Variants in CTNNA3 observed in about 807,000 individuals in gnomAD.
CTNNA3 encodes catenin alpha-3.
In CTNNA3, 76 loss-of-function variants were observed where a neutral mutation model predicts 95.7. The observed-to-expected ratio is 0.79, with a 90% CI of 0.66 to 0.96. The LOEUF (loss-of-function observed/expected upper bound fraction) is 0.96. Ranked by LOEUF, CTNNA3 falls within the 40% of genes least tolerant of loss-of-function variation. The probability of loss-of-function intolerance (pLI) is 0.00; values close to 1 mark genes in which losing one functional copy is unlikely to be tolerated. For synonymous variants in CTNNA3, 431 were observed against 374.4 expected (o/e 1.15, Z -1.74); for missense variants, 1,191 against 1,089.8 (o/e 1.09, Z -1.31).
chr10:66,189,600 T>TTTTATATATATATATATATATATA (rs1554883869), intron 13 of CTNNA3, among the ~76,000 whole-genome samples: 4 of 89,318 alleles, frequency 4.5e-5, no homozygotes, highest in African/African-American at 1.9e-4. Flanking sequence ...TACTATAGAT[T>TTTTATATATATATATATATATATA]TATATATATA....
chr10:66,875,659 T>A (rs1245694029), intron 7 of CTNNA3, among the ~76,000 whole-genome samples: 1 of 152,106 alleles, frequency 6.6e-6, no homozygotes, highest in African/African-American at 2.4e-5. Flanking sequence ...AAATAGTAAA[T>A]CTGCTAATCC....
chr10:67,036,528 G>C (rs915583341), intron 7 of CTNNA3, among the ~76,000 whole-genome samples: 2 of 152,044 alleles, frequency 1.3e-5, no homozygotes, highest in Non-Finnish European at 2.9e-5. Flanking sequence ...GCCGGGCGTG[G>C]TGGCAGCTTT....
chr10:66,655,896 C>T (rs573700365), intron 9 of CTNNA3, among the ~76,000 whole-genome samples: 1 of 152,080 alleles, frequency 6.6e-6, no homozygotes, highest in African/African-American at 2.4e-5. Flanking sequence ...GGCTCAATTC[C>T]ATCCACCGAA....
intron 9 of CTNNA3, among the ~76,000 whole-genome samples, chr10:66,656,843 T>C (rs989905831): frequency 3.3e-5 from 5 of 151,974 alleles, no homozygotes; most frequent in African/African-American, 1.2e-4. Flanking sequence ...TTTGTTTTTG[T>C]TTTTGTTTTT....
At chr10:67,160,847 T>C (rs1384444804) in intron 7 of CTNNA3, among the ~76,000 whole-genome samples, 1 of 152,176 alleles carries the variant, frequency 6.6e-6, no homozygotes, top group East Asian at 1.9e-4. Flanking sequence ...TATTATTCTG[T>C]ATTGAAAAAC....
At chr10:66,406,748 T>G (rs1042083915) in intron 11 of CTNNA3, among the ~76,000 whole-genome samples, 1 of 152,118 alleles carries the variant, frequency 6.6e-6, no homozygotes, top group Non-Finnish European at 1.5e-5. Flanking sequence ...ATCTGGACAA[T>G]TCAACTCAAG....
chr10:66,926,214 T>C, intron 7 of CTNNA3: 1 of 453,752 alleles, frequency 2.2e-6, no homozygotes, highest in Non-Finnish European at 4.3e-6. Context: ...CCAAATTGCC[T>C]GGAAGAATAC....
At chr10:66,281,508 A>G (rs956370721) in intron 12 of CTNNA3, among the ~76,000 whole-genome samples, 1 of 151,836 alleles carries the variant, frequency 6.6e-6, no homozygotes, top group Admixed American at 6.6e-5. Flanking sequence ...GTAATTAGAG[A>G]TGTGAACTCA....
chr10:67,433,080 A>G (rs1486066404), intron 5 of CTNNA3, among the ~76,000 whole-genome samples: 1 of 152,054 alleles, frequency 6.6e-6, no homozygotes, highest in Non-Finnish European at 1.5e-5. Flanking sequence ...AGATTTTGAC[A>G]TACCTTCCTC....
chr10:66,370,082 A>C (rs545695736), intron 12 of CTNNA3, among the ~76,000 whole-genome samples: 2 of 152,266 alleles, frequency 1.3e-5, no homozygotes, highest in South Asian at 4.1e-4. Context: ...TCGAATTCAC[A>C]TGGTTTATGT....
intron 7 of CTNNA3, among the ~76,000 whole-genome samples, chr10:66,951,486 T>C (rs1757993549): frequency 6.6e-6 from 1 of 152,214 alleles, no homozygotes; most frequent in Non-Finnish European, 1.5e-5. Flanking sequence ...ACGTATTTAA[T>C]TCTTACGACA....
At chr10:67,554,827 C>T (rs113754332) in intron 3 of CTNNA3, among the ~76,000 whole-genome samples, 30,124 of 152,084 alleles carry the variant, frequency 0.2, 4,962 homozygotes, top group African/African-American at 0.46. Context: ...GAAGTCCTTG[C>T]GCATGCCTAT....
chr10:67,129,886 T>TAAA (rs1318121023), intron 7 of CTNNA3, among the ~76,000 whole-genome samples: 5 of 152,130 alleles, frequency 3.3e-5, no homozygotes, highest in African/African-American at 1.2e-4. Flanking sequence ...GAACCATCTG[T>TAAA]AAAGAATGAT....
intron 13 of CTNNA3, among the ~76,000 whole-genome samples, chr10:66,140,204 C>T (rs2133875555): frequency 6.6e-6 from 1 of 152,266 alleles, no homozygotes; most frequent in Non-Finnish European, 1.5e-5. Flanking sequence ...CCTCATCCTT[C>T]AAATTTTTGC....
intron 1 of CTNNA3, among the ~76,000 whole-genome samples, chr10:67,763,060 A>T (rs1486799188): frequency 6.6e-6 from 1 of 152,156 alleles, no homozygotes; most frequent in East Asian, 1.9e-4. Context: ...GTGTCTAAGG[A>T]ATTTTGTCTG....
At chr10:66,502,376 T>C (rs1247099352) in intron 11 of CTNNA3, among the ~76,000 whole-genome samples, 1 of 152,158 alleles carries the variant, frequency 6.6e-6, no homozygotes, top group African/African-American at 2.4e-5. Context: ...TTTTTTATTA[T>C]AAATGTTTAA....
intron 2 of CTNNA3, among the ~76,000 whole-genome samples, chr10:67,612,359 T>C (rs1459998517): frequency 6.6e-6 from 1 of 152,096 alleles, no homozygotes; most frequent in Non-Finnish European, 1.5e-5. Flanking sequence ...GCTGCCAAAA[T>C]TGCAAACATT....
At position 67,353,410 on chromosome 10, in the gene CTNNA3, A is replaced by G. The variant is rs949419989; in HGVS notation, c.580-133540T>C. On this transcript the variant is annotated intron_variant, in intron 5 of 17. Transcript: ENST00000433211. ...TAACTGCAAGAACTCCCTAAACTTT[A>G]ATTCAGTGCAGCATTTCACAATTTA... 3.9e-5 allele frequency among the ~76,000 whole-genome samples: 6 copies of G among 152,062 alleles called. No individual in the cohort carries two copies. In the South Asian group the frequency reaches 1.0e-3, roughly 26 times the overall value.
intron 7 of CTNNA3, among the ~76,000 whole-genome samples, chr10:66,977,530 A>G (rs1850119561): frequency 6.6e-6 from 1 of 152,206 alleles, no homozygotes; most frequent in African/African-American, 2.4e-5. Flanking sequence ...CTCTGTTAAG[A>G]GCTCACAGAA....
Sources: gnomAD v4.1 joint callset for allele counts (sites outside exome capture counted in the v4.1 genomes callset) on GRCh38, gnomAD v4.1.1 for gene constraint, MANE v1.5 for transcripts, NCBI Gene and HGNC (gene_info 2026-07-23, HGNC 2026-07-21) for gene names.